SAE1: variants seen among roughly 807,000 people sequenced by gnomAD.
The protein encoded by SAE1 is SUMO-activating enzyme subunit 1.
In SAE1, 11 loss-of-function variants were observed where a neutral mutation model predicts 40.6. The ratio of observed to expected loss-of-function variants is 0.27; its 90% CI spans 0.17 to 0.45. SAE1 has a LOEUF of 0.45. SAE1 is among the 20% of genes least tolerant of loss of function. SAE1 has a pLI of 1.00. For synonymous variants in SAE1, 155 were observed against 154.3 expected, an observed-to-expected ratio of 1.00 and a Z score of -0.03; for missense variants, 373 against 427.3, an observed-to-expected ratio of 0.87 and a Z score of 1.12.
chr19:47,150,094 AAT>A, intron 2 of SAE1, 106 bp from the exon 3 acceptor site: 5 of 745,338 alleles, frequency 6.7e-6, no homozygotes, highest in Non-Finnish European at 5.9e-6. Flanking sequence ...AAAAAAAAAA[AAT>A]TTAGGTGGTA....
intron 1 of SAE1, 121 bp downstream of exon 1, chr19:47,131,149 C>A: frequency 7.0e-7 from 1 of 1,428,404 alleles, no homozygotes. Flanking sequence ...ATTCTGTGCT[C>A]TGGGATCGTC....
Position 47,155,149 on chromosome 19 carries a change from TAGA to T in SAE1, c.567_569del (p.Glu189del). The T allele has an allele frequency of 6.2e-7, 1 of 1,612,888 alleles. No individual in the cohort carries two copies. The highest frequency in any genetic ancestry group is 8.5e-7 in the Non-Finnish European group (1 of 1,179,554). ...AAAGTTGCCAAAGTTAGCCAAGGAG[TAGA>T]AGATGGGCCCGACACCAAGAGAGCA... is the stretch of plus-strand genomic sequence containing the variant. On this transcript the variant is annotated inframe_deletion, in exon 5 of 9. Coordinates refer to ENST00000270225, the MANE Select transcript of SAE1 (RefSeq NM_005500.3).
chr19:47,142,771 A>G (rs1042423730), intron 1 of SAE1, among the ~76,000 whole-genome samples: 1 of 151,960 alleles, frequency 6.6e-6, no homozygotes, highest in African/African-American at 2.4e-5. Flanking sequence ...TTTGTCCTTT[A>G]TTTCATTTTG....
chr19:47,144,102 G>A (rs1289442653), intron 2 of SAE1, among the ~76,000 whole-genome samples: 1 of 152,196 alleles, frequency 6.6e-6, no homozygotes, highest in Non-Finnish European at 1.5e-5. Flanking sequence ...GGAAGGCTGA[G>A]GCAGGCGGAT....
At chr19:47,186,465 A>G (rs1046722868) in intron 6 of SAE1, among the ~76,000 whole-genome samples, 3 of 152,052 alleles carry the variant, frequency 2.0e-5, no homozygotes, top group African/African-American at 7.2e-5. Flanking sequence ...TTTTATAGGG[A>G]TCCTTAATAC....
At position 47,198,617 on chromosome 19, in the gene SAE1, T is replaced by G. The variant is rs112541679; in HGVS notation, c.878+1240T>G. ...GATCCCACCCCAGGTATCATTACAGTGCTTGCTCTAGTAGCAGCATGCTAC... is the reference window on the plus strand; with the variant it reads ...GATCCCACCCCAGGTATCATTACAGGGCTTGCTCTAGTAGCAGCATGCTAC... On this transcript the variant is annotated intron_variant, in intron 7 of 8. Transcript: ENST00000270225. Among the ~76,000 whole-genome samples, 7 of 152,322 alleles carry G rather than the reference T, an allele frequency of 4.6e-5. 1 individual carries two copies. Among genetic ancestry groups the G allele is most frequent in the African/African-American group, 1.7e-4 (7 of 41,580 alleles).
At chr19:47,164,247 C>T (rs990955010) in intron 5 of SAE1, among the ~76,000 whole-genome samples, 4 of 152,008 alleles carry the variant, frequency 2.6e-5, no homozygotes, top group African/African-American at 9.7e-5. Flanking sequence ...CGGCTCACTG[C>T]AAGCTCTGCC....
intron 5 of SAE1, among the ~76,000 whole-genome samples, chr19:47,159,506 G>A (rs2123227587): frequency 6.6e-6 from 1 of 151,176 alleles, no homozygotes; most frequent in South Asian, 2.1e-4. Flanking sequence ...ACTGGTGGCT[G>A]TTAACTGCAG....
chr19:47,203,644 CA>C, intron 7 of SAE1, 26 bp from the exon 8 acceptor site: 1 of 1,606,324 alleles, frequency 6.2e-7, no homozygotes. Context: ...CCCAGTGCTC[CA>C]TTTTCCTTGT....
chr19:47,204,502 C>T (rs980455621), intron 8 of SAE1, among the ~76,000 whole-genome samples: 14 of 137,754 alleles, frequency 1.0e-4, no homozygotes, highest in Non-Finnish European at 1.7e-4. Context: ...CCAGCCGCAC[C>T]CCCCCCCTTT....
rs576389993 is a variant in SAE1 at position 47,196,910 on chromosome 19, C to T, written c.734-323C>T. Among the ~76,000 whole-genome samples, 19 of 151,988 alleles carry T rather than the reference C, an allele frequency of 1.3e-4. No individual in the cohort carries two copies. In the South Asian group the frequency reaches 3.9e-3, roughly 32 times the overall value. On this transcript the variant is annotated intron_variant, in intron 6 of 8. Transcript: ENST00000270225. ...ATAAATAAAAAAAGGTGGCCAGGTG[C>T]CGTGGCTCACACCTGTAATCCCAGC...
At chr19:47,203,528 C>A in intron 7 of SAE1, 143 bp from the exon 8 acceptor site, 1 of 650,216 alleles carries the variant, frequency 1.5e-6, no homozygotes. Flanking sequence ...CGCCTAGATG[C>A]CAGCATTAAC....
chr19:47,134,501 A>G (rs1445741577), intron 1 of SAE1, among the ~76,000 whole-genome samples: 1 of 152,004 alleles, frequency 6.6e-6, no homozygotes, highest in African/African-American at 2.4e-5. Flanking sequence ...GTGCCTCTGG[A>G]CATAGGTGGA....
At position 47,210,162 on chromosome 19, in the gene SAE1, G is replaced by A. The variant is rs531362143; in HGVS notation, c.*911G>A. 2.6e-5 allele frequency: 4 copies of A among 152,268 alleles called. No individual in the cohort carries two copies. In the East Asian group the frequency reaches 5.8e-4, roughly 22 times the overall value. The allele number at this position is 152,268 out of a possible 1,614,324, so 9.4% of individuals were successfully genotyped here. A position where few individuals can be genotyped will look rare whatever the true frequency, so the allele number is the denominator to read the frequency against. On this transcript the variant is annotated 3_prime_UTR_variant, in exon 9 of 9. Coordinates refer to ENST00000270225, the MANE Select transcript of SAE1 (RefSeq NM_005500.3). ...TGAATTTTCCTTGGTTCTTTTTAAA[G>A]GAATGATAATAAAGTTACTTGCTTT...
intron 6 of SAE1, among the ~76,000 whole-genome samples, chr19:47,170,940 A>G (rs1349347137): frequency 6.6e-6 from 1 of 152,056 alleles, no homozygotes; most frequent in Non-Finnish European, 1.5e-5. Flanking sequence ...GTTAGTAAGT[A>G]TTGGTTGGCT....
At chr19:47,134,105 C>G (rs776039840) in intron 1 of SAE1, among the ~76,000 whole-genome samples, 1 of 152,066 alleles carries the variant, frequency 6.6e-6, no homozygotes, top group Non-Finnish European at 1.5e-5. Context: ...TCGTGATCCA[C>G]CTGCCTCGGC....
At chr19:47,143,136 A>G (rs2058232519) in intron 1 of SAE1, among the ~76,000 whole-genome samples, 1 of 151,222 alleles carries the variant, frequency 6.6e-6, no homozygotes, top group African/African-American at 2.4e-5. Context: ...ACGGAGTCTC[A>G]CTCTTGTTGC....
At chr19:47,186,840 G>A (rs531004345) in intron 6 of SAE1, among the ~76,000 whole-genome samples, 3 of 152,202 alleles carry the variant, frequency 2.0e-5, no homozygotes, top group Admixed American at 6.5e-5. Context: ...CTTCATGGGC[G>A]GCCACTCCAG....
chr19:47,204,506 C>CG (rs926252839), intron 8 of SAE1, among the ~76,000 whole-genome samples: 1 of 139,610 alleles, frequency 7.2e-6, no homozygotes, highest in African/African-American at 2.7e-5. Context: ...CCGCACCCCC[C>CG]CCCTTTTTTT....
Sources: gnomAD v4.1 joint callset for allele counts (sites outside exome capture counted in the v4.1 genomes callset) on GRCh38, gnomAD v4.1.1 for gene constraint, MANE v1.5 for transcripts, NCBI Gene and HGNC (gene_info 2026-07-23, HGNC 2026-07-21) for gene names.